The following RNF175 variants were observed in gnomAD, a reference collection of about 807,000 sequenced individuals.
RNF175 encodes ring finger protein 175.
A neutral mutation model predicts 50.0 loss-of-function variants in RNF175; 38 were observed. That is an observed-to-expected ratio of 0.76 (90% confidence interval 0.59 to 1.00). The LOEUF is 1.00. RNF175 is among the 50% of genes least tolerant of loss of function. The pLI is 0.00. For synonymous variants in RNF175, 155 were observed against 146.1 expected (o/e 1.06, Z -0.44); for missense variants, 388 against 409.6 (o/e 0.95, Z 0.46).
At chr4:153,731,665 AAGAG>A (rs200079370) in intron 3 of RNF175, among the ~76,000 whole-genome samples, 4 of 148,764 alleles carry the variant, frequency 2.7e-5, no homozygotes, top group African/African-American at 9.8e-5. Flanking sequence ...AAGAGAAAGA[AAGAG>A]AGAGAGGGAG....
At chr4:153,714,205 A>G (rs1417720938) in intron 7 of RNF175, 2 of 152,238 alleles carry the variant, frequency 1.3e-5, no homozygotes, top group East Asian at 3.8e-4. Flanking sequence ...CCAACATTTG[A>G]AAAATAAATC....
chr4:153,754,181 A>AAG (rs1553959246), intron 1 of RNF175, among the ~76,000 whole-genome samples: 204 of 149,542 alleles, frequency 1.4e-3, no homozygotes, highest in Middle Eastern at 3.5e-3. Context: ...AAAAAAAAAA[A>AAG]AAAATTATGA....
chr4:153,741,926 A>G (rs910286567), intron 3 of RNF175, among the ~76,000 whole-genome samples: 1 of 152,100 alleles, frequency 6.6e-6, no homozygotes, highest in Non-Finnish European at 1.5e-5. Flanking sequence ...CTTTTGCACC[A>G]ACCTACTATA....
chr4:153,735,395 T>C (rs575309447), intron 3 of RNF175, among the ~76,000 whole-genome samples: 21 of 152,338 alleles, frequency 1.4e-4, no homozygotes, highest in Admixed American at 1.2e-3. Flanking sequence ...TATGTGTCTA[T>C]TCTTTCACCA....
intron 3 of RNF175, among the ~76,000 whole-genome samples, chr4:153,744,475 G>C (rs999805959): frequency 6.6e-6 from 1 of 152,074 alleles, no homozygotes; most frequent in Non-Finnish European, 1.5e-5. Flanking sequence ...GTGCGACACA[G>C]TGCGAGTCAA....
intron 1 of RNF175, among the ~76,000 whole-genome samples, chr4:153,757,491 C>T (rs1380577338): frequency 6.6e-6 from 1 of 152,168 alleles, no homozygotes; most frequent in Non-Finnish European, 1.5e-5. Context: ...GAACAATGAA[C>T]TCAGAAACTA....
intron 4 of RNF175, 106 bp downstream of exon 4, chr4:153,728,101 G>T (rs1252469385): frequency 4.2e-6 from 3 of 717,254 alleles, no homozygotes; most frequent in Non-Finnish European, 6.3e-6. Flanking sequence ...ACACGTAAAA[G>T]AAATGTAACC....
intron 6 of RNF175, among the ~76,000 whole-genome samples, chr4:153,718,234 G>GTTTTTTTTTTTTTTTTTTTTT (rs1276542726): frequency 3.1e-5 from 2 of 64,260 alleles, no homozygotes; most frequent in African/African-American, 5.9e-5. Context: ...TTGTTTGTTT[G>GTTTTTTTTTTTTTTTTTTTTT]TTTGTTTTTT....
chr4:153,756,034 A>G (rs1397511559), intron 1 of RNF175, among the ~76,000 whole-genome samples: 1 of 152,180 alleles, frequency 6.6e-6, no homozygotes, highest in Non-Finnish European at 1.5e-5. Context: ...GGCTCCCAAG[A>G]CATTAACAGG....
At chr4:153,727,694 A>G (rs1238381382) in intron 4 of RNF175, 1 of 152,318 alleles carries the variant, frequency 6.6e-6, no homozygotes, top group Non-Finnish European at 1.5e-5. Context: ...TTTGTGAATG[A>G]TACAACGGAG....
intron 6 of RNF175, among the ~76,000 whole-genome samples, chr4:153,719,481 C>T (rs892662621): frequency 1.3e-5 from 2 of 152,122 alleles, no homozygotes; most frequent in Non-Finnish European, 2.9e-5. Context: ...ATCCCTAGAG[C>T]CTTTAGTTTG....
chr4:153,752,445 CCT>C (rs1157152977), intron 1 of RNF175, among the ~76,000 whole-genome samples: 1 of 152,210 alleles, frequency 6.6e-6, no homozygotes, highest in Admixed American at 6.5e-5. Flanking sequence ...AGTATTACCC[CCT>C]GTGCCACCCA....
At chr4:153,755,587 T>G (rs1320611245) in intron 1 of RNF175, among the ~76,000 whole-genome samples, 1 of 146,992 alleles carries the variant, frequency 6.8e-6, no homozygotes, top group East Asian at 2.0e-4. Flanking sequence ...AAAAAAAACC[T>G]CAAAGACATG....
chr4:153,755,669 C>CAA (rs202062598), intron 1 of RNF175, among the ~76,000 whole-genome samples: 143 of 146,940 alleles, frequency 9.7e-4, no homozygotes, highest in Admixed American at 1.8e-3. Context: ...CCCACCCCCG[C>CAA]AAAAAAAATG....
chr4:153,748,566 G>C, intron 3 of RNF175, 79 bp downstream of exon 3: 1 of 1,344,340 alleles, frequency 7.4e-7, no homozygotes. Context: ...TGCTAACCAA[G>C]GGAGAACATG....
At position 153,728,226 on chromosome 4, in the gene RNF175, G is replaced by A. The variant is rs1464518351; in HGVS notation, c.382C>T (p.Leu128Phe). 4 of 1,613,258 alleles carry A rather than the reference G, an allele frequency of 2.5e-6. No individual in the cohort carries two copies. The highest frequency in any genetic ancestry group is 3.4e-6 in the Non-Finnish European group (4 of 1,179,518). ...ACATACCGTGGTGTCCTTCCTGAGA[G>A]GGGTTTTCGGGTAGCTCTGAAGAGG... is the stretch of plus-strand genomic sequence containing the variant. ...YILFRATRKP[L>F]SGRTPRLVYK... Residue 128 changes from leucine (L) to phenylalanine (F), a missense_variant, in exon 4 of 9, where the codon CTC becomes TTC. Leu to Phe is a conservative substitution (Grantham distance 22). Transcript: ENST00000347063.
At chr4:153,758,428 C>T (rs1740661158) in intron 1 of RNF175, among the ~76,000 whole-genome samples, 1 of 152,134 alleles carries the variant, frequency 6.6e-6, no homozygotes, top group South Asian at 2.1e-4. Flanking sequence ...CCTCCTAGGG[C>T]AGCCTCAACA....
chr4:153,735,301 A>C (rs1390959862), intron 3 of RNF175, among the ~76,000 whole-genome samples: 2 of 150,850 alleles, frequency 1.3e-5, no homozygotes, highest in African/African-American at 4.9e-5. Flanking sequence ...TTCTCTATTG[A>C]ATTGCCTTTG....
At chr4:153,729,763 T>C in intron 3 of RNF175, 11 of 985,046 alleles carry the variant, frequency 1.1e-5, no homozygotes, top group Non-Finnish European at 1.2e-5. Flanking sequence ...CTAGAGTTGT[T>C]ATCATAGATA....
Sources: gnomAD v4.1 joint callset for allele counts (sites outside exome capture counted in the v4.1 genomes callset) on GRCh38, gnomAD v4.1.1 for gene constraint, MANE v1.5 for transcripts, NCBI Gene and HGNC (gene_info 2026-07-23, HGNC 2026-07-21) for gene names.